The following BIRC6 variants were observed in gnomAD, a reference collection of about 807,000 sequenced individuals.
BIRC6 encodes the protein baculoviral IAP repeat containing 6, also known as dual E2 ubiquitin-conjugating enzyme/E3 ubiquitin-protein ligase BIRC6.
Under a neutral mutation model 503.3 loss-of-function variants are expected in BIRC6, and 98 were observed. The observed-to-expected ratio is 0.19, with a 90% confidence interval of 0.17 to 0.23. The LOEUF is 0.23. Among genes scored for constraint, BIRC6 ranks in the 10% least tolerant of loss-of-function variants. The pLI is 1.00. For synonymous variants in BIRC6, 2,240 were observed against 2,078.7 expected, an observed-to-expected ratio of 1.08 and a Z score of -2.11; for missense variants, 5,360 against 5,806.0, an observed-to-expected ratio of 0.92 and a Z score of 2.50.
Position 32,469,524 on chromosome 2 carries a change from G to C in BIRC6, c.6257G>C (p.Cys2086Ser). 6.2e-7 allele frequency: 1 copy of C among 1,613,916 alleles called. No individual in the cohort carries two copies. The highest frequency in any genetic ancestry group is 1.3e-5 in the African/African-American group (1 of 75,044). ...LHTGLLLVQL[C>S]GGERWWGQFL... is the part of the protein sequence containing the mutation. ...ACTGGTCTTCTTCTTGTTCAACTGT[G>C]TGGTGGTGAAAGGTGGTGGGGTCAA... The change falls in exon 30 of 74, where the codon TGT becomes TCT. Residue 2086 changes from cysteine (C) to serine (S), a missense_variant. Transcript: ENST00000421745.
Position 32,479,455 on chromosome 2 carries a change from C to A in BIRC6, c.7253-7C>A, listed in dbSNP as rs767692658. The A allele has an allele frequency of 1.3e-6, 2 of 1,591,880 alleles. No homozygotes were observed. The highest frequency in any genetic ancestry group is 3.5e-5 in the Admixed American group (2 of 56,658). On this transcript the variant is annotated splice_region_variant and splice_polypyrimidine_tract_variant and intron_variant, in intron 36 of 73. Transcript: ENST00000421745. Reference sequence around the variant, plus strand: ...TTATTAAAACAGGACTATCCCCTTACATACAGGAGAATTACTGGCTCCAGT... The same window carrying A: ...TTATTAAAACAGGACTATCCCCTTAAATACAGGAGAATTACTGGCTCCAGT...
At chr2:32,440,734 T>A (rs2045328465) in intron 16 of BIRC6, among the ~76,000 whole-genome samples, 2 of 150,324 alleles carry the variant, frequency 1.3e-5, no homozygotes, top group South Asian at 4.2e-4. Flanking sequence ...GTTATTTTAT[T>A]TTATTGTGTT....
chr2:32,611,579 C>G lies in BIRC6; in HGVS notation c.14391C>G (p.Leu4797=). The change falls in exon 73 of 74, where the codon CTC becomes CTG. Residue 4797 remains leucine (L), a synonymous_variant. Transcript: ENST00000421745. ...CTATGTCTCACCATGCAGCAGCTCT[C>G]AAGGTGAGTAAGCCTCTCTAACAGG... is the stretch of plus-strand genomic sequence containing the variant. ...GRTMSHHAAA[L]KRHTAQLREE... The G allele has an allele frequency of 6.3e-7, 1 of 1,577,816 alleles. No homozygotes were observed. The highest frequency in any genetic ancestry group is 1.2e-5 in the South Asian group (1 of 85,350).
At chr2:32,576,556 G>A (rs570970130) in intron 66 of BIRC6, among the ~76,000 whole-genome samples, 134 of 152,178 alleles carry the variant, frequency 8.8e-4, no homozygotes, top group Non-Finnish European at 1.8e-3. Flanking sequence ...GTCATTTACC[G>A]TATTTACTGT....
intron 43 of BIRC6, among the ~76,000 whole-genome samples, chr2:32,490,676 T>C (rs1305034369): frequency 6.6e-6 from 1 of 152,216 alleles, no homozygotes; most frequent in African/African-American, 2.4e-5. Flanking sequence ...TTTTAAAAAC[T>C]GATTAAAAGA....
At chr2:32,612,694 T>C (rs2062962388) in intron 73 of BIRC6, among the ~76,000 whole-genome samples, 1 of 152,190 alleles carries the variant, frequency 6.6e-6, no homozygotes, top group African/African-American at 2.4e-5. Flanking sequence ...AGTGTGGGAA[T>C]ATAGATGAAA....
intron 65 of BIRC6, among the ~76,000 whole-genome samples, chr2:32,554,351 T>C (rs1349543029): frequency 6.6e-6 from 1 of 152,196 alleles, no homozygotes; most frequent in African/African-American, 2.4e-5. Flanking sequence ...ATTCACAGAT[T>C]AGAAAAGAAC....
chr2:32,499,183 A>G (rs945013478), intron 45 of BIRC6, among the ~76,000 whole-genome samples: 1 of 152,226 alleles, frequency 6.6e-6, no homozygotes, highest in Non-Finnish European at 1.5e-5. Flanking sequence ...TGTTTACAAT[A>G]GCGTTATTTG....
chr2:32,552,719 C>G (rs2058505289), intron 65 of BIRC6, among the ~76,000 whole-genome samples: 1 of 151,958 alleles, frequency 6.6e-6, no homozygotes, highest in South Asian at 2.1e-4. Context: ...TTTTTACTTG[C>G]ATGAGAGGTG....
chr2:32,511,444 G>A (rs2149630130), intron 53 of BIRC6, among the ~76,000 whole-genome samples: 1 of 146,664 alleles, frequency 6.8e-6, no homozygotes, highest in Admixed American at 6.8e-5. Context: ...TGAGTAGCTG[G>A]GTCTACAGGC....
Position 32,618,795 on chromosome 2 carries a change from G to C in BIRC6, c.*891G>C, listed in dbSNP as rs1572442113. The C allele has an allele frequency of 6.6e-6, 1 of 152,484 alleles. No homozygotes were observed. Among genetic ancestry groups the C allele is most frequent in the Non-Finnish European group, 1.5e-5 (1 of 68,032 alleles). 9.4% of individuals were successfully genotyped at this position (152,484 alleles called of 1,614,324 possible). A position where few individuals can be genotyped will look rare whatever the true frequency, so the allele number is the denominator to read the frequency against. ...AGAGAGGATGTACCTCTCTGGTGCT[G>C]TTACAGTACATTCTGTACCTGCCAT... On this transcript the variant is annotated 3_prime_UTR_variant, in exon 74 of 74. Coordinates refer to ENST00000421745, the MANE Select transcript of BIRC6 (RefSeq NM_016252.4).
chr2:32,368,520 A>T (rs931794951), intron 1 of BIRC6, among the ~76,000 whole-genome samples: 20 of 152,086 alleles, frequency 1.3e-4, no homozygotes, highest in African/African-American at 4.6e-4. Flanking sequence ...AGCCTAGGTG[A>T]CATAGCGAGA....
chr2:32,498,690 C>G (rs2149432588), intron 45 of BIRC6, among the ~76,000 whole-genome samples: 1 of 152,256 alleles, frequency 6.6e-6, no homozygotes, highest in East Asian at 1.9e-4. Flanking sequence ...TGGGTTCATG[C>G]AATTCTCATG....
Position 32,416,291 on chromosome 2 carries a change from G to A in BIRC6, c.2872+128G>A, listed in dbSNP as rs957501868. 2.2e-5 allele frequency: 21 copies of A among 950,020 alleles called. No homozygotes were observed. In the Admixed American group the frequency reaches 5.8e-4, roughly 26 times the overall value. The allele number at this position is 950,020 out of a possible 1,614,324, so 58.8% of individuals were successfully genotyped here. ...GGAATTAATTTTTTTGTAATGAAGTGGTAAATCCTTCTTTTTAAACTGTTC... is the reference window on the plus strand; with the variant it reads ...GGAATTAATTTTTTTGTAATGAAGTAGTAAATCCTTCTTTTTAAACTGTTC... On this transcript the variant is annotated intron_variant, in intron 10 of 73. Coordinates refer to ENST00000421745, the MANE Select transcript of BIRC6 (RefSeq NM_016252.4).
intron 50 of BIRC6, among the ~76,000 whole-genome samples, chr2:32,507,044 G>T (rs761920536): frequency 4.6e-5 from 7 of 152,044 alleles, no homozygotes; most frequent in Non-Finnish European, 1.0e-4. Context: ...TGTTAAGCTA[G>T]AAATAAATAA....
At chr2:32,403,993 T>C (rs183809998) in intron 8 of BIRC6, among the ~76,000 whole-genome samples, 2 of 150,608 alleles carry the variant, frequency 1.3e-5, no homozygotes, top group East Asian at 2.0e-4. Context: ...AGTGGCGCAA[T>C]CTTGGCTCAC....
At chr2:32,438,454 A>G (rs2044992609) in intron 15 of BIRC6, among the ~76,000 whole-genome samples, 1 of 152,164 alleles carries the variant, frequency 6.6e-6, no homozygotes, top group African/African-American at 2.4e-5. Context: ...TGGCAGATGT[A>G]GTAATTTAAT....
At chr2:32,480,873 C>T (rs2149181348) in intron 37 of BIRC6, among the ~76,000 whole-genome samples, 1 of 151,996 alleles carries the variant, frequency 6.6e-6, no homozygotes, top group East Asian at 1.9e-4. Flanking sequence ...AACTCCTGAC[C>T]TTGTGATCTA....
intron 6 of BIRC6, among the ~76,000 whole-genome samples, chr2:32,397,625 T>TATAA (rs2040076841): frequency 6.8e-6 from 1 of 146,480 alleles, no homozygotes; most frequent in Non-Finnish European, 1.5e-5. Flanking sequence ...TGTATATATA[T>TATAA]ATATGTATAT....
Sources: gnomAD v4.1 joint callset for allele counts (sites outside exome capture counted in the v4.1 genomes callset) on GRCh38, gnomAD v4.1.1 for gene constraint, MANE v1.5 for transcripts, NCBI Gene and HGNC (gene_info 2026-07-23, HGNC 2026-07-21) for gene names.